Variants in ATP1A4 observed in about 807,000 individuals in gnomAD.
ATP1A4 encodes ATPase Na+/K+ transporting subunit alpha 4.
ATP1A4 carries 90 observed loss-of-function variants against 114.3 expected under a neutral mutation model. That is an observed-to-expected ratio of 0.79 (90% CI 0.66 to 0.94). The LOEUF (loss-of-function observed/expected upper bound fraction) is 0.94, where lower values mean the gene tolerates loss of function less well. ATP1A4 is among the 40% of genes least tolerant of loss of function. The pLI is 0.00. For missense variants in ATP1A4, 1,222 were observed against 1,313.6 expected, an observed-to-expected ratio of 0.93 and a Z score of 1.08; for synonymous variants, 511 against 494.1, an observed-to-expected ratio of 1.03 and a Z score of -0.45.
At chr1:160,175,045 A>C (rs953867384) in intron 15 of ATP1A4, among the ~76,000 whole-genome samples, 1 of 152,152 alleles carries the variant, frequency 6.6e-6, no homozygotes, top group Non-Finnish European at 1.5e-5. Context: ...ACTGGACTTC[A>C]AGTAGGCCCA....
chr1:160,174,863 C>T, intron 15 of ATP1A4, 116 bp downstream of exon 15: 1 of 1,479,532 alleles, frequency 6.8e-7, no homozygotes, highest in Middle Eastern at 2.5e-4. Flanking sequence ...TGTACGGGCT[C>T]AGAAGAAAAT....
chr1:160,175,995 G>C, intron 15 of ATP1A4, 97 bp from the exon 16 acceptor site: 1 of 1,297,924 alleles, frequency 7.7e-7, no homozygotes, highest in South Asian at 1.3e-5. Flanking sequence ...TTCCTGGACT[G>C]TGACACTTCT....
In ATP1A4 at chr1:160,185,459, G is replaced by A. The variant is rs542552221; in HGVS notation, c.2970-817G>A. Among the ~76,000 whole-genome samples, 8 of 151,654 alleles carry A rather than the reference G, an allele frequency of 5.3e-5. No homozygotes were observed. The South Asian group carries it at 8.4e-4, about 16-fold the overall frequency. On this transcript the variant is annotated intron_variant, in intron 20 of 21. Transcript: ENST00000368081. ...TCTCGTGCCTCTCCTCTCCACTCCC[G>A]ATCACTAATCCCACAGGATTTGACC...
chr1:160,167,249 G>C lies in ATP1A4; in HGVS notation c.1357-29G>C, dbSNP rs1251269940. 2.5e-6 allele frequency: 4 copies of C among 1,583,750 alleles called. No individual in the cohort carries two copies. In the African/African-American group the frequency reaches 5.4e-5, roughly 21 times the overall value. On this transcript the variant is annotated intron_variant, in intron 9 of 21. Transcript: ENST00000368081. ...TCATGCCCAGGTAGCATGCCCCTGG[G>C]GCTTACTATACAAACCCCATCCTGG...
chr1:160,163,651 C>T (rs1195275242), intron 6 of ATP1A4, among the ~76,000 whole-genome samples: 1 of 152,108 alleles, frequency 6.6e-6, no homozygotes, highest in Non-Finnish European at 1.5e-5. Context: ...CATGGTCATA[C>T]ACATAGACAC....
intron 18 of ATP1A4, among the ~76,000 whole-genome samples, chr1:160,181,033 C>T (rs1653681492): frequency 6.6e-6 from 1 of 152,038 alleles, no homozygotes; most frequent in South Asian, 2.1e-4. Context: ...CTTTCTAACT[C>T]CACCTTCTTC....
At chr1:160,174,375 C>G (rs988187653) in intron 14 of ATP1A4, 114 bp downstream of exon 14, 3 of 1,463,318 alleles carry the variant, frequency 2.1e-6, no homozygotes, top group Admixed American at 2.2e-5. Context: ...CAGAGAGTAC[C>G]CCATCTGGAA....
rs780810476 is a variant in ATP1A4, at chr1:160,173,576, C to A, written c.1855-5C>A. 1.9e-6 allele frequency: 3 copies of A among 1,613,166 alleles called. No homozygotes were observed. The highest frequency in any genetic ancestry group is 2.5e-6 in the Non-Finnish European group (3 of 1,179,138). On this transcript the variant is annotated splice_polypyrimidine_tract_variant and splice_region_variant and intron_variant, in intron 12 of 21. Coordinates refer to ENST00000368081, the MANE Select transcript of ATP1A4 (RefSeq NM_144699.4). Reference sequence around the variant, plus strand: ...TGCTCCTCTTCCCTCTCCTTCCCAACCCAGGTGATCATGGTAACAGGAGAT... The same window carrying A: ...TGCTCCTCTTCCCTCTCCTTCCCAAACCAGGTGATCATGGTAACAGGAGAT...
rs543885172 is a variant in ATP1A4, at chr1:160,151,986, C to T, written c.-55C>T. ...GCCCTCTTCCCTTCCCCTTGCCTCA[C>T]TCTCTCAGCTTTCTTCCCACAGTTG... On this transcript the variant is annotated 5_prime_UTR_variant, in exon 1 of 22. Coordinates refer to ENST00000368081, the MANE Select transcript of ATP1A4 (RefSeq NM_144699.4). 2.8e-5 allele frequency: 44 copies of T among 1,574,156 alleles called. No individual in the cohort carries two copies. In the South Asian group the frequency reaches 4.7e-4, roughly 17 times the overall value.
chr1:160,180,476 A>C (rs1479806312), intron 18 of ATP1A4, among the ~76,000 whole-genome samples: 1 of 152,074 alleles, frequency 6.6e-6, no homozygotes, highest in Admixed American at 6.6e-5. Flanking sequence ...TCTCTCTCAT[A>C]ACCTGTCTAT....
intron 2 of ATP1A4, 26 bp from the exon 3 acceptor site, chr1:160,155,019 T>A: frequency 3.7e-6 from 6 of 1,608,054 alleles, no homozygotes; most frequent in Non-Finnish European, 4.3e-6. Flanking sequence ...CAGCTCTCTA[T>A]CCAACCCTAT....
chr1:160,153,652 G>A (rs972877936), intron 2 of ATP1A4, among the ~76,000 whole-genome samples: 1 of 152,096 alleles, frequency 6.6e-6, no homozygotes, highest in Non-Finnish European at 1.5e-5. Context: ...TATATGTTTT[G>A]ACAAATAACT....
chr1:160,163,236 T>C (rs912143712), intron 6 of ATP1A4, among the ~76,000 whole-genome samples: 2 of 151,982 alleles, frequency 1.3e-5, no homozygotes, highest in Admixed American at 6.5e-5. Flanking sequence ...GTGTAGACAG[T>C]TCTCCCCACC....
intron 13 of ATP1A4, 75 bp from the exon 14 acceptor site, chr1:160,174,036 A>C: frequency 6.6e-7 from 1 of 1,523,874 alleles, no homozygotes; most frequent in South Asian, 1.2e-5. Context: ...ATGAAGCTAT[A>C]GTCAAGATGG....
intron 18 of ATP1A4, among the ~76,000 whole-genome samples, chr1:160,180,013 A>G (rs907622021): frequency 6.6e-6 from 1 of 152,202 alleles, no homozygotes; most frequent in African/African-American, 2.4e-5. Context: ...GGTGGGGAGT[A>G]CAGGACAACA....
intron 20 of ATP1A4, among the ~76,000 whole-genome samples, chr1:160,184,870 A>C (rs1653824577): frequency 1.3e-5 from 2 of 152,164 alleles, no homozygotes; most frequent in Non-Finnish European, 2.9e-5. Flanking sequence ...AAACAAAACA[A>C]TATCCCCATC....
At chr1:160,164,083 G>A (rs1420474570) in intron 6 of ATP1A4, 73 bp from the exon 7 acceptor site, 1 of 1,542,436 alleles carries the variant, frequency 6.5e-7, no homozygotes, top group African/African-American at 1.4e-5. Context: ...GTCAGGAAGT[G>A]GGGGCAGAGA....
intron 6 of ATP1A4, among the ~76,000 whole-genome samples, chr1:160,163,489 CTT>C (rs756874849): frequency 1.3e-5 from 2 of 152,098 alleles, no homozygotes; most frequent in Non-Finnish European, 1.5e-5. Flanking sequence ...AGGGAAACAC[CTT>C]ACTTAGGTTT....
chr1:160,180,839 C>G (rs950530767), intron 18 of ATP1A4, among the ~76,000 whole-genome samples: 1 of 151,788 alleles, frequency 6.6e-6, no homozygotes, highest in Non-Finnish European at 1.5e-5. Context: ...CTCAGCCTCC[C>G]GAGCAGCTGG....
Sources: gnomAD v4.1 joint callset for allele counts (sites outside exome capture counted in the v4.1 genomes callset) on GRCh38, gnomAD v4.1.1 for gene constraint, MANE v1.5 for transcripts, NCBI Gene and HGNC (gene_info 2026-07-23, HGNC 2026-07-21) for gene names.